HBEGF: variants seen among roughly 807,000 people sequenced by gnomAD.
The protein encoded by HBEGF is proheparin-binding EGF-like growth factor.
In HBEGF, 8 loss-of-function variants were observed where a neutral mutation model predicts 19.5. The observed-to-expected ratio is 0.41, with a 90% confidence interval of 0.24 to 0.74. The LOEUF (loss-of-function observed/expected upper bound fraction) is 0.74, where lower values mean the gene tolerates loss of function less well. Among genes scored for constraint, HBEGF ranks in the 30% least tolerant of loss-of-function variants. HBEGF has a pLI of 0.32. For missense variants in HBEGF, 207 were observed against 256.9 expected, an observed-to-expected ratio of 0.81 and a Z score of 1.33; for synonymous variants, 97 against 108.9, an observed-to-expected ratio of 0.89 and a Z score of 0.68.
chr5:140,335,795 C>T, intron 4 of HBEGF, 77 bp downstream of exon 4: 1 of 1,461,300 alleles, frequency 6.8e-7, no homozygotes, highest in Non-Finnish European at 9.4e-7. Flanking sequence ...TGCATGTGAC[C>T]ATCAAGGAGA....
chr5:140,341,517 T>C (rs11465444), intron 3 of HBEGF, among the ~76,000 whole-genome samples: 423 of 152,346 alleles, frequency 2.8e-3, no homozygotes, highest in African/African-American at 9.7e-3. Context: ...CACAAGTGAC[T>C]GTGGACATGG....
chr5:140,335,015 T>A (rs1219013029), intron 4 of HBEGF: 5 of 531,808 alleles, frequency 9.4e-6, no homozygotes, highest in South Asian at 6.4e-5. Context: ...AACATTACAA[T>A]CACTACAAGG....
intron 2 of HBEGF, among the ~76,000 whole-genome samples, chr5:140,344,199 T>C (rs1051681332): frequency 6.6e-6 from 1 of 151,462 alleles, no homozygotes; most frequent in African/African-American, 2.4e-5. Context: ...CTCAAGGTCA[T>C]GCAGGATTGG....
chr5:140,337,188 G>T (rs370178906), intron 3 of HBEGF, among the ~76,000 whole-genome samples: 1 of 152,162 alleles, frequency 6.6e-6, no homozygotes, highest in Admixed American at 6.6e-5. Context: ...AGACTCAGAC[G>T]TGCTTACAGT....
chr5:140,346,439 G>A lies in HBEGF; in HGVS notation c.-111C>T. 1.7e-6 allele frequency: 2 copies of A among 1,198,922 alleles called. No homozygotes were observed. The highest frequency in any genetic ancestry group is 2.4e-6 in the Non-Finnish European group (2 of 841,212). 74.3% of individuals were successfully genotyped at this position (1,198,922 alleles called of 1,614,324 possible). On this transcript the variant is annotated 5_prime_UTR_variant, in exon 1 of 6. The change creates a new upstream start codon in the 5' untranslated region. Coordinates refer to ENST00000230990, the MANE Select transcript of HBEGF (RefSeq NM_001945.3). The surrounding 1 kb of genome is among the most constrained non-coding windows in gnomAD (Gnocchi z 6.1). ...AGCTCAGGAGATTCCGCCGGGCACC[G>A]TCTGCCGCCCGCCTCTGCGTGCAAG...
chr5:140,334,730 A>G lies in HBEGF; in HGVS notation c.573T>C (p.Gly191=), dbSNP rs200828020. Residue 191 remains glycine, a synonymous_variant, in exon 5 of 6, where the codon GGT becomes GGC. Coordinates refer to ENST00000230990, the MANE Select transcript of HBEGF (RefSeq NM_001945.3). Reference sequence around the variant, plus strand: ...CTTTCTCTTCATTTTCCACATCATAACCTCCTCTCCTATGGTACCTGAGGA... The same window carrying G: ...CTTTCTCTTCATTTTCCACATCATAGCCTCCTCTCCTATGGTACCTGAGGA... The part of the protein sequence containing the change: ...LLMFRYHRRG[G]YDVENEEKVK... 1 of 1,613,568 alleles carries G rather than the reference A, an allele frequency of 6.2e-7. No individual in the cohort carries two copies. The highest frequency in any genetic ancestry group is 1.3e-5 in the African/African-American group (1 of 74,970).
At position 140,346,097 on chromosome 5, in the gene HBEGF, G is replaced by C. The variant is rs549941058; in HGVS notation, c.47-13C>G. ...AGTGCCGAGAGAACTGCGGGCGAGA[G>C]GCCAGGCCGCATCAGACACCCGCCC... On this transcript the variant is annotated splice_polypyrimidine_tract_variant and intron_variant, in intron 1 of 5. Coordinates refer to ENST00000230990, the MANE Select transcript of HBEGF (RefSeq NM_001945.3). This position sits in a 1 kb window ranked among gnomAD's most constrained non-coding sequence, Gnocchi z 6.1. 6.2e-6 allele frequency: 10 copies of C among 1,607,572 alleles called. No individual in the cohort carries two copies. In the South Asian group the frequency reaches 9.9e-5, roughly 16 times the overall value.
chr5:140,336,160 C>T (rs1045658958), intron 3 of HBEGF, 133 bp from the exon 4 acceptor site: 3 of 831,606 alleles, frequency 3.6e-6, no homozygotes, highest in Non-Finnish European at 3.7e-6. Flanking sequence ...CCCTGCCCAT[C>T]CTCCATCCTT....
At chr5:140,336,415 T>C (rs914141889) in intron 3 of HBEGF, among the ~76,000 whole-genome samples, 1 of 152,228 alleles carries the variant, frequency 6.6e-6, no homozygotes, top group African/African-American at 2.4e-5. Context: ...CAAGAGCTGG[T>C]AGGCTAAATT....
chr5:140,342,652 G>A lies in HBEGF; in HGVS notation c.381C>T (p.Leu127=), dbSNP rs1208987022. The change falls in exon 3 of 6, where the codon CTC becomes CTT. Residue 127 remains leucine, a synonymous_variant. Coordinates refer to ENST00000230990, the MANE Select transcript of HBEGF (RefSeq NM_001945.3). ...GCACTTACATGCAGGAGGGAGCCCG[G>A]AGCTCCTTCACATATTTGCATTCTC... ...IHGECKYVKE[L]RAPSCICHPG... 6.2e-7 allele frequency: 1 copy of A among 1,614,146 alleles called. No homozygotes were observed. Among genetic ancestry groups the A allele is most frequent in the South Asian group, 1.1e-5 (1 of 91,080 alleles).
intron 3 of HBEGF, among the ~76,000 whole-genome samples, chr5:140,342,246 AC>A (rs1050734108): frequency 2.0e-5 from 3 of 151,806 alleles, no homozygotes; most frequent in African/African-American, 7.3e-5. Flanking sequence ...TGCACTTCCT[AC>A]CTTCCCACAG....
rs1272477559 is a variant in HBEGF at position 140,332,852 on chromosome 5, A to C, written c.*1447T>G. ...CAAACAGACAAAAGGCTATGGAATA[A>C]GGGTTATCTTTATTTGGATTGCAAA... On this transcript the variant is annotated 3_prime_UTR_variant, in exon 6 of 6. Coordinates refer to ENST00000230990, the MANE Select transcript of HBEGF (RefSeq NM_001945.3). 1 of 152,656 alleles carries C rather than the reference A, an allele frequency of 6.6e-6. No homozygotes were observed. Among genetic ancestry groups the C allele is most frequent in the Non-Finnish European group, 1.5e-5 (1 of 68,034 alleles). The allele number at this position is 152,656 out of a possible 1,614,324, so 9.5% of individuals were successfully genotyped here. A position where few individuals can be genotyped will look rare whatever the true frequency, so the allele number is the denominator to read the frequency against.
intron 3 of HBEGF, among the ~76,000 whole-genome samples, chr5:140,337,250 T>C (rs1308202637): frequency 6.6e-6 from 1 of 152,210 alleles, no homozygotes; most frequent in Non-Finnish European, 1.5e-5. Flanking sequence ...CAGAGATCCT[T>C]TGATATAAGT....
chr5:140,339,890 G>A (rs781615358), intron 3 of HBEGF, among the ~76,000 whole-genome samples: 11 of 152,178 alleles, frequency 7.2e-5, no homozygotes, highest in Non-Finnish European at 1.3e-4. Flanking sequence ...GTGCACAGAT[G>A]TCACATTCCC....
At chr5:140,335,031 A>G (rs191592106) in intron 4 of HBEGF, 4 of 470,394 alleles carry the variant, frequency 8.5e-6, no homozygotes, top group South Asian at 2.5e-5. Context: ...CAAGGTTACA[A>G]TCCTCAGAAA....
intron 3 of HBEGF, among the ~76,000 whole-genome samples, chr5:140,338,377 C>CGCCCAAGGTTACAAAGCTAGTGAGTCGTA (rs1766259083): frequency 6.6e-6 from 1 of 152,192 alleles, no homozygotes; most frequent in East Asian, 1.9e-4. Flanking sequence ...TTAAACACCT[C>CGCCCAAGGTTACAAAGCTAGTGAGTCGTA]GCCCAAGGTT....
chr5:140,344,111 C>T (rs1033879831), intron 2 of HBEGF, among the ~76,000 whole-genome samples: 1 of 151,452 alleles, frequency 6.6e-6, no homozygotes. Flanking sequence ...GCACTCCAGC[C>T]TGGGTGACAG....
rs1172818459 is a variant in HBEGF, at chr5:140,342,531, A to T, written c.398+104T>A. The stretch of plus-strand genomic sequence containing the variant: ...CAACTTCCGCCCAGAGGTTGAGAAG[A>T]AACTGGGTGAAATTATGAATTCAAG... On this transcript the variant is annotated intron_variant, in intron 3 of 5. Transcript: ENST00000230990. The T allele has an allele frequency of 7.8e-6, 9 of 1,150,270 alleles. No homozygotes were observed. In the East Asian group the frequency reaches 2.1e-4, roughly 27 times the overall value. The allele number at this position is 1,150,270 out of a possible 1,614,324, so 71.3% of individuals were successfully genotyped here.
intron 3 of HBEGF, among the ~76,000 whole-genome samples, chr5:140,338,552 C>T (rs1201712618): frequency 6.6e-6 from 1 of 152,158 alleles, no homozygotes; most frequent in Non-Finnish European, 1.5e-5. Context: ...TAAAGTTTGG[C>T]CTCAGAGTCC....
Sources: allele counts gnomAD v4.1 joint callset (sites outside exome capture counted in the v4.1 genomes callset), GRCh38; gene constraint gnomAD v4.1.1; non-coding constraint Gnocchi (gnomAD v3.1); transcripts MANE v1.5; gene names NCBI Gene and HGNC (gene_info 2026-07-23, HGNC 2026-07-21).